The following WDR27 variants were observed in gnomAD, a reference collection of about 807,000 sequenced individuals.
WDR27 encodes the protein WD repeat domain 27, also known as WD repeat-containing protein 27.
Under a neutral mutation model 114.4 loss-of-function variants are expected in WDR27, and 100 were observed. That is an observed-to-expected ratio of 0.87 (90% CI 0.74 to 1.03). WDR27 has a LOEUF of 1.03. Ranked by LOEUF, WDR27 falls within the 50% of genes least tolerant of loss-of-function variation. WDR27 has a pLI of 0.00. For synonymous variants in WDR27, 449 were observed against 423.1 expected (o/e 1.06, Z -0.75); for missense variants, 1,129 against 1,092.9 (o/e 1.03, Z -0.47).
Position 169,664,260 on chromosome 6 carries a change from T to C in WDR27, c.810A>G (p.Gly270=), listed in dbSNP as rs1827150517. The change falls in exon 8 of 26, where the codon GGA becomes GGG. Residue 270 remains glycine (G), a synonymous_variant. Coordinates refer to ENST00000448612, the MANE Select transcript of WDR27 (RefSeq NM_182552.5). ...CCCGTGCCACACGACGATAATGGTGTCCATCCATCAAACTGAAGATCCAAA... is the reference window on the plus strand; with the variant it reads ...CCCGTGCCACACGACGATAATGGTGCCCATCCATCAAACTGAAGATCCAAA... ...GQLWIFSLMD[G]HHYRRVARVD... The C allele has an allele frequency of 6.2e-7, 1 of 1,613,890 alleles. No individual in the cohort carries two copies. The highest frequency in any genetic ancestry group is 8.5e-7 in the Non-Finnish European group (1 of 1,179,830).
At chr6:169,604,210 T>C (rs1808645364) in intron 22 of WDR27, among the ~76,000 whole-genome samples, 1 of 152,058 alleles carries the variant, frequency 6.6e-6, no homozygotes, top group Admixed American at 6.6e-5. Context: ...GATAAACCAC[T>C]TGTAGACTAA....
chr6:169,487,998 C>A (rs1010933468), intron 25 of WDR27, among the ~76,000 whole-genome samples: 2 of 152,236 alleles, frequency 1.3e-5, no homozygotes, highest in Admixed American at 6.5e-5. Flanking sequence ...CAGTCTCTGA[C>A]TCCCCCAGCT....
At chr6:169,658,642 C>T (rs1017400300) in intron 12 of WDR27, among the ~76,000 whole-genome samples, 3 of 151,410 alleles carry the variant, frequency 2.0e-5, no homozygotes, top group African/African-American at 4.9e-5. Flanking sequence ...AGCAACAGCA[C>T]GAAAAACCTT....
chr6:169,470,450 G>A (rs980016738), intron 25 of WDR27, among the ~76,000 whole-genome samples: 1 of 152,176 alleles, frequency 6.6e-6, no homozygotes, highest in Admixed American at 6.5e-5. Flanking sequence ...ATCTGTCTTA[G>A]TTCAAGCTGC....
intron 25 of WDR27, among the ~76,000 whole-genome samples, chr6:169,506,178 AT>A (rs34562435): frequency 6.6e-6 from 1 of 152,220 alleles, no homozygotes; most frequent in African/African-American, 2.4e-5. Flanking sequence ...CCAAGCACTA[AT>A]TTTCCCTATT....
downstream of WDR27, among the ~76,000 whole-genome samples, chr6:169,456,984 C>T (rs561401726): frequency 6.0e-5 from 9 of 149,940 alleles, no homozygotes; most frequent in Admixed American, 4.7e-4. This position sits in a 1 kb window ranked among gnomAD's most constrained non-coding sequence, Gnocchi z 4.0. Flanking sequence ...AGACCATGCT[C>T]GGCACGTGGA....
chr6:169,634,551 A>G, intron 19 of WDR27, 26 bp from the exon 20 acceptor site: 1 of 1,550,410 alleles, frequency 6.4e-7, no homozygotes, highest in Non-Finnish European at 8.8e-7. Context: ...AAGATGATCA[A>G]TATTTTTGCT....
At chr6:169,552,428 G>A (rs73792936) in intron 25 of WDR27, among the ~76,000 whole-genome samples, 2,465 of 152,276 alleles carry the variant, frequency 0.016, 62 homozygotes, top group African/African-American at 0.057. Context: ...ACAGCTGAAC[G>A]CAGAGGGCAT....
intron 17 of WDR27, among the ~76,000 whole-genome samples, chr6:169,643,437 T>C (rs1394843768): frequency 1.3e-5 from 2 of 152,244 alleles, no homozygotes; most frequent in Non-Finnish European, 2.9e-5. Flanking sequence ...CTTCATTCAC[T>C]CCCCTAAAAC....
chr6:169,683,574 A>G (rs1300289044), intron 2 of WDR27, among the ~76,000 whole-genome samples: 1 of 152,152 alleles, frequency 6.6e-6, no homozygotes, highest in African/African-American at 2.4e-5. Context: ...AGATTTGACT[A>G]GAGTGTGGAA....
At chr6:169,434,282 G>T in the WDR27 span, among the ~76,000 whole-genome samples, 1 of 152,104 alleles carries the variant, frequency 6.6e-6, no homozygotes. Flanking sequence ...TAAGGAAGGG[G>T]TTCAGTTTCT....
At chr6:169,618,986 A>C (rs1812532303) in intron 21 of WDR27, among the ~76,000 whole-genome samples, 1 of 152,166 alleles carries the variant, frequency 6.6e-6, no homozygotes, top group African/African-American at 2.4e-5. Context: ...AAAACCCGTA[A>C]TTTTCCCATA....
intron 25 of WDR27, among the ~76,000 whole-genome samples, chr6:169,527,930 AC>A (rs1185486240): frequency 6.6e-6 from 1 of 152,148 alleles, no homozygotes; most frequent in East Asian, 1.9e-4. Flanking sequence ...TAAGAAATAG[AC>A]CAAATAATAC....
intron 25 of WDR27, among the ~76,000 whole-genome samples, chr6:169,458,124 G>A (rs1163242902): frequency 2.0e-5 from 3 of 152,180 alleles, no homozygotes; most frequent in Non-Finnish European, 4.4e-5. Context: ...GCAACTTCCA[G>A]AGGAAGACTT....
At chr6:169,606,846 G>A (rs1360844536) in intron 22 of WDR27, among the ~76,000 whole-genome samples, 1 of 152,114 alleles carries the variant, frequency 6.6e-6, no homozygotes, top group Non-Finnish European at 1.5e-5. Context: ...GGATTGCTGG[G>A]TCAAATGATA....
intron 24 of WDR27, among the ~76,000 whole-genome samples, chr6:169,576,780 A>G (rs1362962486): frequency 6.8e-6 from 1 of 147,152 alleles, no homozygotes; most frequent in Non-Finnish European, 1.5e-5. Flanking sequence ...AAAAAAAAAG[A>G]CAAGAAAAGA....
At chr6:169,591,036 T>A (rs1805655437) in intron 23 of WDR27, among the ~76,000 whole-genome samples, 1 of 152,192 alleles carries the variant, frequency 6.6e-6, no homozygotes, top group South Asian at 2.1e-4. Context: ...GGATTCTACT[T>A]TTTGCTCTTT....
intron 16 of WDR27, among the ~76,000 whole-genome samples, chr6:169,644,366 G>A (rs1466821200): frequency 6.6e-6 from 1 of 151,598 alleles, no homozygotes; most frequent in African/African-American, 2.4e-5. Flanking sequence ...GTTCATACGA[G>A]TCACACTGTA....
At chr6:169,504,680 C>T (rs1278771509) in intron 25 of WDR27, among the ~76,000 whole-genome samples, 1 of 152,156 alleles carries the variant, frequency 6.6e-6, no homozygotes, top group Non-Finnish European at 1.5e-5. Context: ...GTGAGCTTGG[C>T]TCACTGCAGC....
Sources: allele counts gnomAD v4.1 joint callset (sites outside exome capture counted in the v4.1 genomes callset), GRCh38; gene constraint gnomAD v4.1.1; non-coding constraint Gnocchi (gnomAD v3.1); transcripts MANE v1.5; gene names NCBI Gene and HGNC (gene_info 2026-07-23, HGNC 2026-07-21).